The following ASTN1 variants were observed in gnomAD, a reference collection of about 807,000 sequenced individuals.
ASTN1 encodes astrotactin-1.
Under a neutral mutation model 140.7 loss-of-function variants are expected in ASTN1, and 41 were observed. That is an observed-to-expected ratio of 0.29 (90% CI 0.23 to 0.38). The LOEUF (loss-of-function observed/expected upper bound fraction) is 0.38, where lower values mean the gene tolerates loss of function less well. Ranked by LOEUF, ASTN1 falls within the 10% of genes least tolerant of loss-of-function variation. The pLI, the probability that ASTN1 is intolerant of heterozygous loss-of-function variation, is 1.00. For missense variants in ASTN1, 1,479 were observed against 1,678.8 expected (o/e 0.88, Z 2.08); for synonymous variants, 640 against 652.2 (o/e 0.98, Z 0.29).
At chr1:176,869,752 G>T (rs571965667) in intron 21 of ASTN1, among the ~76,000 whole-genome samples, 1 of 152,166 alleles carries the variant, frequency 6.6e-6, no homozygotes, top group African/African-American at 2.4e-5. Flanking sequence ...CTTCTAGGTG[G>T]CATGTGCTTG....
intron 20 of ASTN1, among the ~76,000 whole-genome samples, chr1:176,882,026 A>G (rs1361816335): frequency 6.6e-6 from 1 of 152,200 alleles, no homozygotes; most frequent in East Asian, 1.9e-4. Flanking sequence ...AAATTTTTCC[A>G]TCATGATTTA....
intron 8 of ASTN1, among the ~76,000 whole-genome samples, chr1:176,994,618 C>T (rs1052926234): frequency 8.5e-5 from 13 of 152,168 alleles, no homozygotes; most frequent in African/African-American, 3.1e-4. Context: ...GCTGGGATTA[C>T]AGGTGTGAGC....
Position 177,060,190 on chromosome 1 carries a change from C to T in ASTN1, c.471+888G>A, listed in dbSNP as rs955982000. 3.3e-5 allele frequency among the ~76,000 whole-genome samples: 5 copies of T among 152,182 alleles called. No individual in the cohort carries two copies. In the East Asian group the frequency reaches 9.6e-4, roughly 29 times the overall value. ...TACTTTCCAGTGAGATTCTAGAATACAAGTTCCTACAATGTTAGAAAAAAC... is the reference window on the plus strand; with the variant it reads ...TACTTTCCAGTGAGATTCTAGAATATAAGTTCCTACAATGTTAGAAAAAAC... On this transcript the variant is annotated intron_variant, in intron 2 of 22. Transcript: ENST00000361833.
At chr1:176,876,748 GAT>G (rs1362778147) in intron 20 of ASTN1, 111 bp from the exon 21 acceptor site, 5 of 1,012,558 alleles carry the variant, frequency 4.9e-6, no homozygotes, top group Non-Finnish European at 7.3e-6. Context: ...TATGGACCCA[GAT>G]ACTCTCGTCA....
chr1:177,017,660 G>C (rs538588620), intron 7 of ASTN1, among the ~76,000 whole-genome samples: 1 of 152,336 alleles, frequency 6.6e-6, no homozygotes, highest in East Asian at 1.9e-4. Context: ...CTCCAACGGA[G>C]AGACGTGTCA....
intron 11 of ASTN1, among the ~76,000 whole-genome samples, chr1:176,957,073 A>ATT (rs148678416): frequency 3.4e-5 from 5 of 147,438 alleles, no homozygotes; most frequent in African/African-American, 1.2e-4. Flanking sequence ...AATTTATTCC[A>ATT]TTTTTTTTTT....
intron 2 of ASTN1, among the ~76,000 whole-genome samples, chr1:177,049,197 G>A (rs374966481): frequency 1.3e-5 from 2 of 152,274 alleles, no homozygotes; most frequent in South Asian, 2.1e-4. Context: ...CAACTTACAA[G>A]TTCAGCTAGC....
At chr1:176,995,394 G>T (rs1674391047) in intron 8 of ASTN1, among the ~76,000 whole-genome samples, 1 of 152,124 alleles carries the variant, frequency 6.6e-6, no homozygotes, top group Admixed American at 6.6e-5. Context: ...GCATCAGATG[G>T]GTATCTCAGA....
At chr1:176,979,782 A>C (rs75342834) in intron 8 of ASTN1, among the ~76,000 whole-genome samples, 2 of 152,164 alleles carry the variant, frequency 1.3e-5, no homozygotes, top group African/African-American at 4.8e-5. Flanking sequence ...TATTAGTGTG[A>C]TATTAGAAAA....
chr1:177,002,452 T>C (rs1435413738), intron 8 of ASTN1, among the ~76,000 whole-genome samples: 1 of 151,972 alleles, frequency 6.6e-6, no homozygotes, highest in African/African-American at 2.4e-5. Flanking sequence ...TACAATGTTA[T>C]TTTGTTAACA....
intron 8 of ASTN1, among the ~76,000 whole-genome samples, chr1:176,967,847 G>C (rs976541994): frequency 1.3e-5 from 2 of 152,156 alleles, no homozygotes; most frequent in African/African-American, 4.8e-5. Flanking sequence ...ATGTAGAGGA[G>C]TGCAGCGTAG....
In ASTN1 at chr1:176,864,482, G is replaced by A. The variant is rs181806963; in HGVS notation, c.3687C>T (p.Ser1229=). The A allele has an allele frequency of 6.2e-7, 1 of 1,614,170 alleles. No individual in the cohort carries two copies. The highest frequency in any genetic ancestry group is 2.2e-5 in the East Asian group (1 of 44,876). ...CCTGAAGGAGTCCATTGCACCAACT[G>A]CTGAGGTCCCCAAGCTGGGAAAGGA... ...GLILSQLGDL[S]SWCNGLLQEP... is the part of the protein sequence containing the mutation. The change falls in exon 23 of 23, where the codon AGC becomes AGT. Residue 1229 remains serine (S), a synonymous_variant. Coordinates refer to ENST00000361833, the MANE Select transcript of ASTN1 (RefSeq NM_004319.3).
At chr1:177,027,009 T>C (rs1676150073) in intron 5 of ASTN1, among the ~76,000 whole-genome samples, 1 of 152,180 alleles carries the variant, frequency 6.6e-6, no homozygotes, top group South Asian at 2.1e-4. Context: ...TCTAACATTA[T>C]TTCCTAAGAA....
intron 8 of ASTN1, among the ~76,000 whole-genome samples, chr1:176,973,470 C>T (rs1429936784): frequency 2.0e-5 from 3 of 152,140 alleles, no homozygotes; most frequent in Non-Finnish European, 2.9e-5. Context: ...TCCATTTCTG[C>T]GTTTGCACAG....
chr1:176,875,606 G>T (rs1557927211), intron 21 of ASTN1, among the ~76,000 whole-genome samples: 1 of 152,120 alleles, frequency 6.6e-6, no homozygotes, highest in Non-Finnish European at 1.5e-5. Context: ...TGGACATTCT[G>T]GGATTATGTC....
At chr1:177,127,897 C>A (rs1042504319) in intron 1 of ASTN1, among the ~76,000 whole-genome samples, 1 of 152,182 alleles carries the variant, frequency 6.6e-6, no homozygotes, top group Non-Finnish European at 1.5e-5. Context: ...TTCATGTCAA[C>A]TTATGCAGCA....
intron 8 of ASTN1, among the ~76,000 whole-genome samples, chr1:177,005,986 T>C (rs1440327039): frequency 6.6e-6 from 1 of 152,198 alleles, no homozygotes; most frequent in Admixed American, 6.5e-5. Flanking sequence ...ATGCATTAAA[T>C]ATGGTGTTGA....
intron 16 of ASTN1, among the ~76,000 whole-genome samples, chr1:176,918,465 A>C (rs1670586606): frequency 6.6e-6 from 1 of 152,088 alleles, no homozygotes; most frequent in Non-Finnish European, 1.5e-5. Flanking sequence ...CCCCGGCAAC[A>C]TGTTCCATCT....
intron 2 of ASTN1, among the ~76,000 whole-genome samples, chr1:177,047,088 C>T (rs1031553351): frequency 6.6e-6 from 1 of 152,148 alleles, no homozygotes; most frequent in Non-Finnish European, 1.5e-5. Context: ...TCCCTCCCAG[C>T]AAGGAGCTTA....
Sources: gnomAD v4.1 joint callset for allele counts (sites outside exome capture counted in the v4.1 genomes callset) on GRCh38, gnomAD v4.1.1 for gene constraint, MANE v1.5 for transcripts, NCBI Gene and HGNC (gene_info 2026-07-23, HGNC 2026-07-21) for gene names.